Variants in MCPH1 observed in about 807,000 individuals in gnomAD.
The protein encoded by MCPH1 is microcephalin 1.
Under a neutral mutation model 84.5 loss-of-function variants are expected in MCPH1, and 104 were observed. The observed-to-expected ratio is 1.23, with a 90% confidence interval of 1.05 to 1.45. MCPH1 has a LOEUF of 1.45. Ranked by LOEUF, MCPH1 falls within the 40% of genes most tolerant of loss-of-function variation. MCPH1 has a pLI of 0.00. For synonymous variants in MCPH1, 514 were observed against 366.8 expected, an observed-to-expected ratio of 1.40 and a Z score of -4.58; for missense variants, 1,498 against 1,005.7, an observed-to-expected ratio of 1.49 and a Z score of -6.62.
chr8:6,437,298 T>C (rs1207651307), intron 5 of MCPH1, among the ~76,000 whole-genome samples: 4 of 152,154 alleles, frequency 2.6e-5, no homozygotes, highest in Non-Finnish European at 5.9e-5. Context: ...TGGTGCGATC[T>C]TGGCTCACTA....
chr8:6,561,720 A>G (rs1196795636), intron 12 of MCPH1, among the ~76,000 whole-genome samples: 2 of 152,246 alleles, frequency 1.3e-5, no homozygotes, highest in African/African-American at 4.8e-5. Flanking sequence ...TATATAGTCC[A>G]TATAAAGAAA....
chr8:6,424,271 C>T (rs1800714834), intron 3 of MCPH1, among the ~76,000 whole-genome samples: 1 of 152,210 alleles, frequency 6.6e-6, no homozygotes, highest in African/African-American at 2.4e-5. Flanking sequence ...GACAATTTAT[C>T]ATTTTTAAAC....
intron 9 of MCPH1, among the ~76,000 whole-genome samples, chr8:6,461,531 G>C (rs1359410794): frequency 2.6e-5 from 4 of 151,178 alleles, no homozygotes; most frequent in East Asian, 1.9e-4. Flanking sequence ...GTAGAGACAG[G>C]GTTTTGCCAT....
At chr8:6,601,429 C>G (rs187575613) in intron 12 of MCPH1, among the ~76,000 whole-genome samples, 417 of 152,014 alleles carry the variant, frequency 2.7e-3, no homozygotes, top group African/African-American at 9.6e-3. Context: ...TACCGGCTGC[C>G]CGTACGGGAC....
At chr8:6,474,144 C>CACATT (rs2129558929) in intron 9 of MCPH1, 1 of 755,534 alleles carries the variant, frequency 1.3e-6, no homozygotes, top group African/African-American at 1.7e-5. Context: ...ACAATAACTC[C>CACATT]ACATTCTCTC....
chr8:6,609,813 C>T (rs1830098843), intron 12 of MCPH1, among the ~76,000 whole-genome samples: 1 of 51,120 alleles, frequency 2.0e-5, no homozygotes, highest in African/African-American at 4.4e-5. Context: ...CAAAGCAATG[C>T]CCCCCGCCCC....
At chr8:6,489,304 G>A (rs1229002521) in intron 11 of MCPH1, among the ~76,000 whole-genome samples, 1 of 151,952 alleles carries the variant, frequency 6.6e-6, no homozygotes, top group Non-Finnish European at 1.5e-5. Flanking sequence ...CTATGCAGAA[G>A]TCAGGGGGAA....
intron 12 of MCPH1, among the ~76,000 whole-genome samples, chr8:6,505,665 A>G (rs1403423240): frequency 7.7e-6 from 1 of 130,188 alleles, no homozygotes; most frequent in Non-Finnish European, 1.6e-5. Context: ...TATATATAGA[A>G]TATATATACT....
intron 3 of MCPH1, among the ~76,000 whole-genome samples, chr8:6,424,358 C>T (rs1323533952): frequency 2.0e-5 from 3 of 152,152 alleles, no homozygotes; most frequent in Non-Finnish European, 4.4e-5. Flanking sequence ...GGTTGCTGAC[C>T]GAAGGCCATC....
At chr8:6,449,998 G>C (rs1163993444) in intron 8 of MCPH1, among the ~76,000 whole-genome samples, 1 of 12,482 alleles carries the variant, frequency 8.0e-5, no homozygotes, top group Non-Finnish European at 9.6e-3. Flanking sequence ...AAGCAGAAAA[G>C]TCCTTCCTAT....
chr8:6,541,630 A>G (rs1170798728), intron 12 of MCPH1, among the ~76,000 whole-genome samples: 1 of 152,192 alleles, frequency 6.6e-6, no homozygotes, highest in African/African-American at 2.4e-5. Context: ...ACTTTGTTAA[A>G]TTCTCAGCTT....
chr8:6,641,524 G>T (rs1011472768), intron 13 of MCPH1, among the ~76,000 whole-genome samples: 1 of 152,212 alleles, frequency 6.6e-6, no homozygotes, highest in Non-Finnish European at 1.5e-5. Context: ...CAGGAAGATT[G>T]CTTGAGCCCA....
intron 13 of MCPH1, among the ~76,000 whole-genome samples, chr8:6,631,834 G>A (rs1586877829): frequency 6.6e-6 from 1 of 152,154 alleles, no homozygotes; most frequent in Non-Finnish European, 1.5e-5. Context: ...TTCCTCTTCT[G>A]GGTATATGCC....
chr8:6,439,925 T>C (rs2515568), intron 6 of MCPH1, among the ~76,000 whole-genome samples: 104,816 of 152,122 alleles, frequency 0.69, 39,679 homozygotes, highest in Non-Finnish European at 0.83. Flanking sequence ...TAAGTGTTTT[T>C]CCAGATCTGT....
intron 12 of MCPH1, among the ~76,000 whole-genome samples, chr8:6,615,160 G>C (rs1830676397): frequency 6.6e-6 from 1 of 152,148 alleles, no homozygotes; most frequent in South Asian, 2.1e-4. Context: ...CACATGCCGT[G>C]AGTCTTCAGA....
At position 6,545,838 on chromosome 8, in the gene MCPH1, A is replaced by T. The variant is rs116313919; in HGVS notation, c.2214+45909A>T. 4.1e-3 allele frequency among the ~76,000 whole-genome samples: 627 copies of T among 152,372 alleles called. 6 individuals are homozygous for T. Among genetic ancestry groups the T allele is most frequent in the African/African-American group, 0.014 (568 of 41,588 alleles). ...GGAATAAATACAAGATTACTCTGAG[A>T]AAAGTGAAATCGATTGAATTTAGTT... On this transcript the variant is annotated intron_variant, in intron 12 of 13. Transcript: ENST00000344683.
intron 7 of MCPH1, among the ~76,000 whole-genome samples, chr8:6,443,838 G>A (rs926761155): frequency 1.3e-5 from 2 of 152,296 alleles, no homozygotes; most frequent in East Asian, 3.9e-4. Flanking sequence ...ATATTTAGGA[G>A]GTAGCAGCAG....
chr8:6,472,241 A>G (rs998868903), intron 9 of MCPH1, among the ~76,000 whole-genome samples: 1 of 152,212 alleles, frequency 6.6e-6, no homozygotes, highest in African/African-American at 2.4e-5. Flanking sequence ...ATATCACATC[A>G]AGAGGGTTAT....
intron 12 of MCPH1, among the ~76,000 whole-genome samples, chr8:6,521,939 G>A (rs1440276992): frequency 6.6e-6 from 1 of 152,168 alleles, no homozygotes; most frequent in Non-Finnish European, 1.5e-5. Flanking sequence ...TCAAGTACTG[G>A]CTTACCAGCC....
Sources: allele counts gnomAD v4.1 joint callset (sites outside exome capture counted in the v4.1 genomes callset), GRCh38; gene constraint gnomAD v4.1.1; transcripts MANE v1.5; gene names NCBI Gene and HGNC (gene_info 2026-07-23, HGNC 2026-07-21).